The following UGT1A10 variants were observed in gnomAD, a reference collection of about 807,000 sequenced individuals.
UGT1A10 encodes the protein UDP glucuronosyltransferase family 1 member A10, also known as UDP-glucuronosyltransferase 1A10.
Under a neutral mutation model 45.8 loss-of-function variants are expected in UGT1A10, and 49 were observed. The observed-to-expected ratio is 1.07, with a 90% CI of 0.85 to 1.36. The LOEUF is 1.36. UGT1A10 is among the 40% of genes most tolerant of loss of function. The pLI is 0.00. For synonymous variants in UGT1A10, 284 were observed against 249.7 expected (o/e 1.14, Z -1.29); for missense variants, 745 against 668.6 (o/e 1.11, Z -1.26).
chr2:233,652,569 C>T (rs1030302859), intron 1 of UGT1A10, among the ~76,000 whole-genome samples: 37 of 152,146 alleles, frequency 2.4e-4, no homozygotes, highest in Admixed American at 5.2e-4. Context: ...TTAATATTGT[C>T]TCACTCATAA....
intron 1 of UGT1A10, among the ~76,000 whole-genome samples, chr2:233,643,854 G>C (rs1354452718): frequency 6.6e-6 from 1 of 152,078 alleles, no homozygotes; most frequent in Admixed American, 6.6e-5. Context: ...TGGAAGCTAG[G>C]GCCTGGCACA....
chr2:233,687,831 C>A (rs1481832407), intron 1 of UGT1A10, among the ~76,000 whole-genome samples: 1 of 152,108 alleles, frequency 6.6e-6, no homozygotes. Flanking sequence ...TCCTGTAAAC[C>A]CAGGAGGTTA....
At chr2:233,678,066 C>A (rs182473388) in intron 1 of UGT1A10, among the ~76,000 whole-genome samples, 57 of 152,218 alleles carry the variant, frequency 3.7e-4, no homozygotes, top group African/African-American at 1.2e-3. Flanking sequence ...TATATACAGG[C>A]ACAGAACACC....
chr2:233,682,018 G>C (rs1181278614), intron 1 of UGT1A10: 3 of 1,614,020 alleles, frequency 1.9e-6, no homozygotes, highest in East Asian at 4.5e-5. Flanking sequence ...AGGCAGGGAA[G>C]CTGCTGGTAG....
At chr2:233,690,438 C>T (rs2074990341) in intron 1 of UGT1A10, 2 of 1,277,062 alleles carry the variant, frequency 1.6e-6, no homozygotes, top group African/African-American at 1.5e-5. Flanking sequence ...CTTTGGGTCT[C>T]TCCTCTATTC....
chr2:233,719,734 T>C lies in UGT1A10; in HGVS notation c.856-47300T>C, dbSNP rs370386346. 2.0e-5 allele frequency: 32 copies of C among 1,613,416 alleles called. 1 individual carries two copies. The East Asian group carries it at 2.7e-4, about 13-fold the overall frequency. On this transcript the variant is annotated intron_variant, in intron 1 of 4. Transcript: ENST00000344644. Reference sequence around the variant, plus strand: ...CAATCAATGTTCCAGGCAAAACACTTTTTAAAAAATGTATTTACTTACAAG... The same window carrying C: ...CAATCAATGTTCCAGGCAAAACACTCTTTAAAAAATGTATTTACTTACAAG...
chr2:233,682,342 A>T lies in UGT1A10; in HGVS notation c.855+44965A>T, dbSNP rs1368393471. The T allele has an allele frequency of 2.5e-6, 4 of 1,613,994 alleles. No homozygotes were observed. In the Admixed American group the frequency reaches 6.7e-5, roughly 27 times the overall value. On this transcript the variant is annotated intron_variant, in intron 1 of 4. Transcript: ENST00000344644. Reference sequence around the variant, plus strand: ...TGTTTAATGACCGAAAATTAGTAGAATACTTAAAGGAGAGTTGTTTTGATG... The same window carrying T: ...TGTTTAATGACCGAAAATTAGTAGATTACTTAAAGGAGAGTTGTTTTGATG...
intron 1 of UGT1A10, among the ~76,000 whole-genome samples, chr2:233,702,642 A>G (rs913191367): frequency 1.3e-5 from 2 of 152,146 alleles, no homozygotes; most frequent in African/African-American, 4.8e-5. Context: ...ATTTTCATCT[A>G]TTCCTAGCTC....
chr2:233,671,223 C>T (rs2074182563), intron 1 of UGT1A10, among the ~76,000 whole-genome samples: 1 of 152,200 alleles, frequency 6.6e-6, no homozygotes, highest in African/African-American at 2.4e-5. Context: ...CAGCAGAGTG[C>T]TCTCGCAAGG....
chr2:233,679,848 T>A (rs990839765), intron 1 of UGT1A10, among the ~76,000 whole-genome samples: 2 of 152,204 alleles, frequency 1.3e-5, no homozygotes, highest in Admixed American at 1.3e-4. Flanking sequence ...CAAATCACAT[T>A]GGCATCTATA....
intron 1 of UGT1A10, chr2:233,760,664 G>C (rs1215512591): frequency 6.2e-7 from 1 of 1,614,182 alleles, no homozygotes; most frequent in Admixed American, 1.7e-5. Context: ...CTTTTGTCTG[G>C]CTGTTCCCAC....
intron 1 of UGT1A10, among the ~76,000 whole-genome samples, chr2:233,644,217 G>A (rs572490460): frequency 6.6e-6 from 1 of 152,238 alleles, no homozygotes; most frequent in Non-Finnish European, 1.5e-5. Context: ...AGGTCTGTGG[G>A]CATTCAAGTT....
intron 1 of UGT1A10, among the ~76,000 whole-genome samples, chr2:233,701,083 T>C (rs896645413): frequency 6.6e-6 from 1 of 152,162 alleles, no homozygotes; most frequent in Non-Finnish European, 1.5e-5. Context: ...TATTCCATGG[T>C]GTATATGTGC....
In UGT1A10 at chr2:233,772,599, C is replaced by G. The variant is rs1313882407; in HGVS notation, c.*40C>G. 1 of 1,591,492 alleles carries G rather than the reference C, an allele frequency of 6.3e-7. No homozygotes were observed. Among genetic ancestry groups the G allele is most frequent in the Admixed American group, 1.8e-5 (1 of 56,352 alleles). On this transcript the variant is annotated 3_prime_UTR_variant, in exon 5 of 5. Transcript: ENST00000344644. Reference sequence around the variant, plus strand: ...ATAAGGTAAAATTTTGAACCATTCCCTAGTCATTTCCAAACTTGAAAACAG... The same window carrying G: ...ATAAGGTAAAATTTTGAACCATTCCGTAGTCATTTCCAAACTTGAAAACAG...
chr2:233,645,955 G>T (rs1445872890), intron 1 of UGT1A10, among the ~76,000 whole-genome samples: 5 of 152,248 alleles, frequency 3.3e-5, no homozygotes, highest in African/African-American at 1.2e-4. Flanking sequence ...TTCTAGCAGA[G>T]GTTCTCTGTG....
intron 1 of UGT1A10, chr2:233,760,220 G>T (rs1697349973): frequency 6.3e-7 from 1 of 1,593,686 alleles, no homozygotes; most frequent in Admixed American, 1.7e-5. Context: ...TTGGTGTATC[G>T]ATTGGTTTTT....
chr2:233,724,295 C>T (rs2077211883), intron 1 of UGT1A10, among the ~76,000 whole-genome samples: 1 of 145,404 alleles, frequency 6.9e-6, no homozygotes, highest in Non-Finnish European at 1.5e-5. Context: ...GGGCTGACCC[C>T]CCCACCTCCC....
chr2:233,702,615 A>T (rs1053015833), intron 1 of UGT1A10, among the ~76,000 whole-genome samples: 1 of 152,126 alleles, frequency 6.6e-6, no homozygotes, highest in Admixed American at 6.6e-5. Flanking sequence ...TGCCCCCCAC[A>T]TTATGAGATT....
At chr2:233,735,935 C>T (rs1483779972) in intron 1 of UGT1A10, among the ~76,000 whole-genome samples, 1 of 151,986 alleles carries the variant, frequency 6.6e-6, no homozygotes, top group Non-Finnish European at 1.5e-5. Context: ...CTGTGGCTGC[C>T]CTTAACATTT....
Sources: gnomAD v4.1 joint callset for allele counts (sites outside exome capture counted in the v4.1 genomes callset) on GRCh38, gnomAD v4.1.1 for gene constraint, MANE v1.5 for transcripts, NCBI Gene and HGNC (gene_info 2026-07-23, HGNC 2026-07-21) for gene names.